CDKAL1: variants seen among roughly 807,000 people sequenced by gnomAD.
CDKAL1 encodes the protein CDKAL1 threonylcarbamoyladenosine tRNA methylthiotransferase.
CDKAL1 carries 32 observed loss-of-function variants against 68.2 expected under a neutral mutation model. That is an observed-to-expected ratio of 0.47 (90% CI 0.35 to 0.63). CDKAL1 has a LOEUF of 0.63. CDKAL1 is among the 30% of genes least tolerant of loss of function. The pLI is 0.00. For synonymous variants in CDKAL1, 234 were observed against 244.3 expected (o/e 0.96, Z 0.39); for missense variants, 606 against 696.7 (o/e 0.87, Z 1.47).
intron 4 of CDKAL1, among the ~76,000 whole-genome samples, chr6:20,584,791 G>A (rs1389439741): frequency 6.6e-6 from 1 of 152,102 alleles, no homozygotes; most frequent in Non-Finnish European, 1.5e-5. Flanking sequence ...TAGACCTGCC[G>A]GATGAGAATA....
intron 13 of CDKAL1, among the ~76,000 whole-genome samples, chr6:21,166,587 G>C (rs1213415889): frequency 6.6e-6 from 1 of 152,118 alleles, no homozygotes; most frequent in Non-Finnish European, 1.5e-5. Context: ...TGACATGCTA[G>C]CCATCAACCA....
chr6:20,865,170 A>G (rs1426403579), intron 9 of CDKAL1, among the ~76,000 whole-genome samples: 1 of 152,210 alleles, frequency 6.6e-6, no homozygotes, highest in African/African-American at 2.4e-5. Flanking sequence ...GAAGAAGAGT[A>G]GTAAAATTGA....
chr6:20,718,534 T>G (rs1310817281), intron 5 of CDKAL1, among the ~76,000 whole-genome samples: 10 of 152,152 alleles, frequency 6.6e-5, no homozygotes, highest in African/African-American at 2.4e-5. Flanking sequence ...TACTACAAAC[T>G]GGGGGTGAAA....
At chr6:20,650,650 T>C (rs751569216) in intron 5 of CDKAL1, among the ~76,000 whole-genome samples, 2 of 152,216 alleles carry the variant, frequency 1.3e-5, no homozygotes, top group Admixed American at 6.5e-5. Flanking sequence ...CTGAATGGTA[T>C]TGCCTAGGTT....
At chr6:20,608,658 C>A (rs150799810) in intron 4 of CDKAL1, among the ~76,000 whole-genome samples, 7 of 152,130 alleles carry the variant, frequency 4.6e-5, no homozygotes, top group Non-Finnish European at 7.4e-5. Context: ...TGAAGTTGCC[C>A]GCAGTCAAAT....
At chr6:21,041,552 C>A (rs991140221) in intron 11 of CDKAL1, among the ~76,000 whole-genome samples, 33 of 148,516 alleles carry the variant, frequency 2.2e-4, no homozygotes, top group Non-Finnish European at 4.3e-4. Flanking sequence ...GTTTTTGTAT[C>A]AAATTACCTT....
At chr6:21,021,263 GT>G (rs577332297) in intron 11 of CDKAL1, among the ~76,000 whole-genome samples, 12 of 151,834 alleles carry the variant, frequency 7.9e-5, no homozygotes, top group Admixed American at 7.2e-4. Context: ...TTTCTTTAAG[GT>G]TTTTTTTGAG....
intron 9 of CDKAL1, among the ~76,000 whole-genome samples, chr6:20,950,286 G>C (rs1332058791): frequency 6.6e-6 from 1 of 151,822 alleles, no homozygotes; most frequent in Non-Finnish European, 1.5e-5. Flanking sequence ...CACCACGCCC[G>C]GCTAATTTTG....
chr6:20,544,727 C>T (rs1561913639), intron 2 of CDKAL1, among the ~76,000 whole-genome samples: 1 of 151,216 alleles, frequency 6.6e-6, no homozygotes, highest in East Asian at 2.0e-4. Flanking sequence ...TCTATACCTA[C>T]AAAAAAATCT....
chr6:20,543,953 T>A (rs1763486779), intron 2 of CDKAL1, among the ~76,000 whole-genome samples: 1 of 151,832 alleles, frequency 6.6e-6, no homozygotes, highest in Non-Finnish European at 1.5e-5. Context: ...GGCCAGGCTG[T>A]TCTTGAACTC....
intron 13 of CDKAL1, among the ~76,000 whole-genome samples, chr6:21,138,804 C>A (rs1241695298): frequency 1.3e-5 from 2 of 152,186 alleles, no homozygotes; most frequent in Non-Finnish European, 2.9e-5. Flanking sequence ...TGGATGAGCT[C>A]AGTCAGGCCC....
At chr6:20,917,399 A>G (rs1762768250) in intron 9 of CDKAL1, among the ~76,000 whole-genome samples, 1 of 152,218 alleles carries the variant, frequency 6.6e-6, no homozygotes, top group Non-Finnish European at 1.5e-5. Context: ...AAGCAATACA[A>G]TCAGATGCTT....
intron 4 of CDKAL1, among the ~76,000 whole-genome samples, chr6:20,638,674 C>T (rs1164930864): frequency 1.3e-5 from 2 of 150,278 alleles, no homozygotes; most frequent in East Asian, 2.0e-4. Context: ...TGCAGTGGCG[C>T]GATCTCAGCT....
chr6:20,562,209 G>T (rs1764293093), intron 4 of CDKAL1, among the ~76,000 whole-genome samples: 1 of 152,026 alleles, frequency 6.6e-6, no homozygotes, highest in African/African-American at 2.4e-5. Context: ...TGGTAAAGAG[G>T]CATATTGTAA....
chr6:21,108,898 CA>C (rs1773984639), intron 13 of CDKAL1, among the ~76,000 whole-genome samples: 1 of 152,066 alleles, frequency 6.6e-6, no homozygotes, highest in Non-Finnish European at 1.5e-5. Flanking sequence ...TAGTACATAG[CA>C]TCATGTCTGA....
At chr6:20,987,961 T>TC (rs1341190073) in intron 10 of CDKAL1, among the ~76,000 whole-genome samples, 2 of 130,510 alleles carry the variant, frequency 1.5e-5, no homozygotes, top group East Asian at 4.7e-4. Flanking sequence ...TTTTTTTTTT[T>TC]CACCTGTAGA....
intron 13 of CDKAL1, among the ~76,000 whole-genome samples, chr6:21,133,347 G>T (rs905950858): frequency 6.6e-6 from 1 of 152,122 alleles, no homozygotes; most frequent in African/African-American, 2.4e-5. Context: ...GGGACAGGCT[G>T]TTGGTTTGTT....
chr6:20,921,611 A>G (rs1203731520), intron 9 of CDKAL1, among the ~76,000 whole-genome samples: 6 of 152,160 alleles, frequency 3.9e-5, no homozygotes, highest in African/African-American at 1.4e-4. Context: ...TCTAAGTAGA[A>G]TGGTCCTGTG....
chr6:20,601,988 GA>G (rs1328038212), intron 4 of CDKAL1, among the ~76,000 whole-genome samples: 1 of 152,188 alleles, frequency 6.6e-6, no homozygotes, highest in Non-Finnish European at 1.5e-5. Context: ...CGATTCTGCT[GA>G]AGACTTGGTC....
Sources: allele counts gnomAD v4.1 joint callset (sites outside exome capture counted in the v4.1 genomes callset), GRCh38; gene constraint gnomAD v4.1.1; transcripts MANE v1.5; gene names NCBI Gene and HGNC (gene_info 2026-07-23, HGNC 2026-07-21).